RAB3D: variants seen among roughly 807,000 people sequenced by gnomAD.
RAB3D encodes RAB3D, member RAS oncogene family, also known as ras-related protein Rab-3D.
In RAB3D, 17 loss-of-function variants were observed where a neutral mutation model predicts 19.3. The observed-to-expected ratio is 0.88, with a 90% CI of 0.60 to 1.32. The LOEUF is 1.32. Among genes scored for constraint, RAB3D ranks in the 40% most tolerant of loss-of-function variants. The pLI, the probability that RAB3D is intolerant of heterozygous loss-of-function variation, is 0.00. For synonymous variants in RAB3D, 103 were observed against 119.9 expected (o/e 0.86, Z 0.92); for missense variants, 223 against 299.1 (o/e 0.75, Z 1.88).
rs745472458 is a variant in RAB3D at position 11,335,549 on chromosome 19, A to C, written c.370T>G (p.Ser124Ala). The C allele has an allele frequency of 6.2e-7, 1 of 1,614,098 alleles. No individual in the cohort carries two copies. Among genetic ancestry groups the C allele is most frequent in the Non-Finnish European group, 8.5e-7 (1 of 1,180,014 alleles). ...AGGATGACCTGGGCGTTGTCCCAGG[A>C]GTAGGTCTTGATTTGCGTGGCCCTG... is the stretch of plus-strand genomic sequence containing the variant. ...QDWATQIKTY[S>A]WDNAQVILVG... Residue 124 changes from serine (S) to alanine (A), a missense_variant, in exon 4 of 5, where the codon TCC (serine) becomes GCC (alanine). Transcript: ENST00000222120.
At chr19:11,338,139 GTA>G (rs760389729) in intron 1 of RAB3D, among the ~76,000 whole-genome samples, 16 of 152,204 alleles carry the variant, frequency 1.1e-4, no homozygotes, top group Non-Finnish European at 1.9e-4. Context: ...ACAGTGCCTG[GTA>G]TAGAGCTGGG....
chr19:11,325,783 T>C (rs893053524), intron 4 of RAB3D, among the ~76,000 whole-genome samples, 198 bp from the exon 5 acceptor site: 1 of 152,124 alleles, frequency 6.6e-6, no homozygotes, highest in East Asian at 1.9e-4. Flanking sequence ...ATGATAAAAA[T>C]CTGTGGCAGG....
At chr19:11,331,913 A>G (rs1346521094) in intron 4 of RAB3D, among the ~76,000 whole-genome samples, 2 of 152,310 alleles carry the variant, frequency 1.3e-5, no homozygotes, top group East Asian at 3.9e-4. Flanking sequence ...TCAATGCTCT[A>G]GGAAAAAAAG....
In RAB3D at chr19:11,322,390, A is replaced by G. The variant is rs1314325462; in HGVS notation, c.*3008T>C. The G allele has an allele frequency of 6.6e-6, 1 of 151,996 alleles. No homozygotes were observed. Among genetic ancestry groups the G allele is most frequent in the Non-Finnish European group, 1.5e-5 (1 of 68,002 alleles). 9.4% of individuals were successfully genotyped at this position (151,996 alleles called of 1,614,324 possible). A position where few individuals can be genotyped will look rare whatever the true frequency, so the allele number is the denominator to read the frequency against. Reference sequence around the variant, plus strand: ...AGCAGAACTCCAAACCCCTGTGGTCATGGCAATTTCCCATCAAAACTGCCC... The same window carrying G: ...AGCAGAACTCCAAACCCCTGTGGTCGTGGCAATTTCCCATCAAAACTGCCC... On this transcript the variant is annotated 3_prime_UTR_variant, in exon 5 of 5. Coordinates refer to ENST00000222120, the MANE Select transcript of RAB3D (RefSeq NM_004283.4).
At chr19:11,331,307 CTT>C (rs2147968582) in intron 4 of RAB3D, among the ~76,000 whole-genome samples, 1 of 151,974 alleles carries the variant, frequency 6.6e-6, no homozygotes, top group African/African-American at 2.4e-5. Context: ...AAAAAAAATT[CTT>C]TTAAAAGGGT....
chr19:11,338,010 T>G (rs1435122822), intron 1 of RAB3D, among the ~76,000 whole-genome samples: 1 of 151,992 alleles, frequency 6.6e-6, no homozygotes, highest in African/African-American at 2.4e-5. Flanking sequence ...AAATGCTTAC[T>G]CTCTGCCGGG....
At chr19:11,334,646 C>T (rs1005764810) in intron 4 of RAB3D, among the ~76,000 whole-genome samples, 12 of 152,142 alleles carry the variant, frequency 7.9e-5, no homozygotes, top group Admixed American at 7.9e-4. Flanking sequence ...AAAAAAAGGC[C>T]AGGCATGGTG....
chr19:11,333,469 A>G (rs183703218), intron 4 of RAB3D, among the ~76,000 whole-genome samples: 1 of 152,150 alleles, frequency 6.6e-6, no homozygotes, highest in Admixed American at 6.6e-5. Context: ...GTAAAACAAA[A>G]AAGTAGCCAA....
chr19:11,332,721 T>A (rs2080839362), intron 4 of RAB3D, among the ~76,000 whole-genome samples: 1 of 152,116 alleles, frequency 6.6e-6, no homozygotes, highest in South Asian at 2.1e-4. Flanking sequence ...CCTGAAGCAA[T>A]CCTCCTAATT....
chr19:11,332,824 C>CA (rs1282563626), intron 4 of RAB3D, among the ~76,000 whole-genome samples: 2 of 151,576 alleles, frequency 1.3e-5, no homozygotes, highest in Non-Finnish European at 2.9e-5. Context: ...CTATAAAAAC[C>CA]AACCAGGTGC....
intron 4 of RAB3D, among the ~76,000 whole-genome samples, chr19:11,329,624 C>G (rs1218800225): frequency 1.3e-5 from 2 of 150,852 alleles, no homozygotes; most frequent in South Asian, 4.2e-4. Context: ...AAAAATAAAA[C>G]AAAAGAAAAG....
chr19:11,323,098 G>A lies in RAB3D; in HGVS notation c.*2300C>T, dbSNP rs558911103. ...CTGCACTGCGGCCTGGGCGACGAGC[G>A]ACTCTCTGTCTTAAAAAAAAAAAAA... On this transcript the variant is annotated 3_prime_UTR_variant, in exon 5 of 5. Coordinates refer to ENST00000222120, the MANE Select transcript of RAB3D (RefSeq NM_004283.4). The A allele has an allele frequency of 2.0e-5, 3 of 149,310 alleles. No homozygotes were observed. The highest frequency in any genetic ancestry group is 3.9e-4 in the East Asian group (2 of 5,064). 9.2% of individuals were successfully genotyped at this position (149,310 alleles called of 1,614,324 possible). A position where few individuals can be genotyped will look rare whatever the true frequency, so the allele number is the denominator to read the frequency against.
chr19:11,330,317 C>G (rs1467649702), intron 4 of RAB3D, among the ~76,000 whole-genome samples: 2 of 152,214 alleles, frequency 1.3e-5, no homozygotes, highest in Non-Finnish European at 2.9e-5. Context: ...TACTCAATTT[C>G]ACGCTTGAAG....
chr19:11,333,873 T>G (rs949237966), intron 4 of RAB3D, among the ~76,000 whole-genome samples: 11 of 151,794 alleles, frequency 7.2e-5, no homozygotes, highest in Non-Finnish European at 1.5e-4. Flanking sequence ...TTTGTGCATT[T>G]TTAGTAGAGA....
At chr19:11,338,054 G>A (rs533405376) in intron 1 of RAB3D, among the ~76,000 whole-genome samples, 1 of 152,276 alleles carries the variant, frequency 6.6e-6, no homozygotes, top group East Asian at 1.9e-4. Flanking sequence ...CTGTGAATAG[G>A]ACAAGAAAAA....
chr19:11,323,122 A>C lies in RAB3D; in HGVS notation c.*2276T>G, dbSNP rs574486831. 3.3e-5 allele frequency: 5 copies of C among 151,976 alleles called. No homozygotes were observed. The highest frequency in any genetic ancestry group is 2.1e-4 in the South Asian group (1 of 4,818). The allele number at this position is 151,976 out of a possible 1,614,324, so 9.4% of individuals were successfully genotyped here. ...CGACTCTCTGTCTTAAAAAAAAAAA[A>C]AACAAAAAAACCTCAGCAGGCCATA... is the stretch of plus-strand genomic sequence containing the variant. On this transcript the variant is annotated 3_prime_UTR_variant, in exon 5 of 5. Transcript: ENST00000222120.
At position 11,337,198 on chromosome 19, in the gene RAB3D, C is replaced by A. The variant is rs775690060; in HGVS notation, c.202G>T (p.Asp68Tyr). Residue 68 changes from aspartate (D) to tyrosine (Y), a missense_variant, in exon 2 of 5, where the codon GAC (aspartate) becomes TAC (tyrosine). Physicochemically the swap from Asp to Tyr is radical, Grantham distance 160. Coordinates refer to ENST00000222120, the MANE Select transcript of RAB3D (RefSeq NM_004283.4). ...CAGATCTGCAGCTTGATCCTCTTGT[C>A]ATGGCGGTAGACGGTCTTGACCTTG... ...DFKVKTVYRH[D>Y]KRIKLQIWDT... is the part of the protein sequence containing the mutation. 1.4e-5 allele frequency: 22 copies of A among 1,613,914 alleles called. No individual in the cohort carries two copies. Among genetic ancestry groups the A allele is most frequent in the Non-Finnish European group, 1.9e-5 (22 of 1,180,000 alleles).
chr19:11,334,696 G>A (rs1433044128), intron 4 of RAB3D, among the ~76,000 whole-genome samples: 1 of 152,288 alleles, frequency 6.6e-6, no homozygotes, highest in East Asian at 1.9e-4. Context: ...AGGCCAAGGC[G>A]GGCAGATCAC....
At position 11,337,528 on chromosome 19, in the gene RAB3D, C is replaced by T. The variant is rs564319539; in HGVS notation, c.-61-68G>A. On this transcript the variant is annotated intron_variant, in intron 1 of 4. Transcript: ENST00000222120. ...CCAGGCCTGGATTCAAATCTCAGCT[C>T]GGTCACTCGGAGACCAAGTGATGCT... 248 of 734,782 alleles carry T rather than the reference C, an allele frequency of 3.4e-4. 3 individuals carry two copies. The highest frequency in any genetic ancestry group is 2.3e-3 in the South Asian group (145 of 62,066). The allele number at this position is 734,782 out of a possible 1,614,324, so 45.5% of individuals were successfully genotyped here.
Sources: allele counts gnomAD v4.1 joint callset (sites outside exome capture counted in the v4.1 genomes callset), GRCh38; gene constraint gnomAD v4.1.1; transcripts MANE v1.5; gene names NCBI Gene and HGNC (gene_info 2026-07-23, HGNC 2026-07-21).